SCPPPQ1: variants seen among roughly 807,000 people sequenced by gnomAD.
The protein encoded by SCPPPQ1 is secretory calcium-binding phosphoprotein proline- and glutamine-rich 1.
the SCPPPQ1 span, among the ~76,000 whole-genome samples, chr4:87,465,303 T>G: frequency 6.6e-6 from 1 of 152,120 alleles, no homozygotes; most frequent in Non-Finnish European, 1.5e-5. Flanking sequence ...AAGGAAAGTT[T>G]CAGGTCTTAG....
At chr4:87,464,726 T>A in the SCPPPQ1 span, among the ~76,000 whole-genome samples, 1 of 152,102 alleles carries the variant, frequency 6.6e-6, no homozygotes, top group Non-Finnish European at 1.5e-5. Context: ...TAGTCCCAGC[T>A]ACTCAGGAGG....
chr4:87,468,000 A>G, the SCPPPQ1 span, among the ~76,000 whole-genome samples: 2 of 152,352 alleles, frequency 1.3e-5, no homozygotes, highest in Non-Finnish European at 2.9e-5. Flanking sequence ...AACTTTCAGC[A>G]TATTGTTCGA....
At chr4:87,463,976 C>G in the SCPPPQ1 span, among the ~76,000 whole-genome samples, 24 of 152,180 alleles carry the variant, frequency 1.6e-4, no homozygotes, top group Admixed American at 7.2e-4. Flanking sequence ...GTTGAGCTGT[C>G]TGTCTTAGAG....
the SCPPPQ1 span, among the ~76,000 whole-genome samples, chr4:87,464,371 C>G: frequency 2.0e-5 from 3 of 151,930 alleles, no homozygotes; most frequent in African/African-American, 7.3e-5. Flanking sequence ...AGTACCCCCC[C>G]CCAACCCCAA....
At chr4:87,461,469 G>A in the SCPPPQ1 span, among the ~76,000 whole-genome samples, 1 of 152,190 alleles carries the variant, frequency 6.6e-6, no homozygotes, top group Non-Finnish European at 1.5e-5. Context: ...GGCCACACCT[G>A]ATTTGGCTAG....
At chr4:87,465,304 C>T in the SCPPPQ1 span, among the ~76,000 whole-genome samples, 1 of 152,048 alleles carries the variant, frequency 6.6e-6, no homozygotes. Flanking sequence ...AGGAAAGTTT[C>T]AGGTCTTAGG....
At chr4:87,469,947 C>CTTTTT in the SCPPPQ1 span, among the ~76,000 whole-genome samples, 3 of 114,972 alleles carry the variant, frequency 2.6e-5, no homozygotes, top group Non-Finnish European at 5.3e-5. Flanking sequence ...ACACACAAAT[C>CTTTTT]TTTTTTTTTT....
the SCPPPQ1 span, among the ~76,000 whole-genome samples, chr4:87,466,255 G>A: frequency 4.0e-5 from 6 of 151,892 alleles, no homozygotes; most frequent in African/African-American, 1.2e-4. Flanking sequence ...CAGGCATGGT[G>A]GCTACACGGG....
chr4:87,468,261 A>G, the SCPPPQ1 span, among the ~76,000 whole-genome samples: 1 of 152,232 alleles, frequency 6.6e-6, no homozygotes, highest in Non-Finnish European at 1.5e-5. Context: ...GAATGCTTTT[A>G]TTTACATTTC....
At chr4:87,466,360 ACT>A in the SCPPPQ1 span, among the ~76,000 whole-genome samples, 98 of 152,182 alleles carry the variant, frequency 6.4e-4, no homozygotes, top group African/African-American at 2.1e-3. Context: ...ACAGAGAGAG[ACT>A]CTGTCTCAAA....
the SCPPPQ1 span, among the ~76,000 whole-genome samples, chr4:87,461,444 G>C: frequency 1.3e-5 from 2 of 152,156 alleles, no homozygotes; most frequent in Non-Finnish European, 2.9e-5. Context: ...TATGATTTGT[G>C]AGTTGAAATT....
At chr4:87,468,557 T>C in the SCPPPQ1 span, among the ~76,000 whole-genome samples, 1 of 152,214 alleles carries the variant, frequency 6.6e-6, no homozygotes, top group Non-Finnish European at 1.5e-5. Context: ...AGTCAGTTGA[T>C]GACAAAATGT....
the SCPPPQ1 span, chr4:87,462,133 A>G: frequency 6.6e-6 from 1 of 152,218 alleles, no homozygotes; most frequent in Non-Finnish European, 1.5e-5. Flanking sequence ...TGGTATAATC[A>G]TGTATGTTGG....
At chr4:87,467,307 A>T in the SCPPPQ1 span, among the ~76,000 whole-genome samples, 2 of 152,226 alleles carry the variant, frequency 1.3e-5, no homozygotes, top group African/African-American at 2.4e-5. Flanking sequence ...TCTATTGTGT[A>T]TTTAGCATTG....
chr4:87,465,545 G>A, the SCPPPQ1 span, among the ~76,000 whole-genome samples: 1 of 72,560 alleles, frequency 1.4e-5, no homozygotes, highest in African/African-American at 8.2e-5. Context: ...AAAAGGAAAA[G>A]GAATAGAAAT....
the SCPPPQ1 span, among the ~76,000 whole-genome samples, chr4:87,461,599 C>G: frequency 6.6e-6 from 1 of 152,128 alleles, no homozygotes; most frequent in East Asian, 1.9e-4. Context: ...CTTTTGAAAG[C>G]ATTTCAAACT....
the SCPPPQ1 span, among the ~76,000 whole-genome samples, chr4:87,467,502 A>C: frequency 6.6e-6 from 1 of 152,246 alleles, no homozygotes; most frequent in Non-Finnish European, 1.5e-5. Context: ...AAAAGAATGG[A>C]TATTATAGAA....
the SCPPPQ1 span, among the ~76,000 whole-genome samples, chr4:87,461,517 T>G: frequency 6.6e-6 from 1 of 152,226 alleles, no homozygotes; most frequent in South Asian, 2.1e-4. Context: ...GGCCCAAAGA[T>G]AGTTTATTTG....
At chr4:87,468,307 T>C in the SCPPPQ1 span, among the ~76,000 whole-genome samples, 4 of 152,378 alleles carry the variant, frequency 2.6e-5, no homozygotes, top group African/African-American at 4.8e-5. Context: ...ATATTTCCTT[T>C]TGTAAATCTT....
Sources: gnomAD v4.1 joint callset for allele counts (sites outside exome capture counted in the v4.1 genomes callset) on GRCh38, gnomAD v4.1.1 for gene constraint, MANE v1.5 for transcripts, NCBI Gene and HGNC (gene_info 2026-07-23, HGNC 2026-07-21) for gene names.